The following MPP4 variants were observed in gnomAD, a reference collection of about 807,000 sequenced individuals.
MPP4 encodes MAGUK p55 subfamily member 4.
A neutral mutation model predicts 98.3 loss-of-function variants in MPP4; 91 were observed. The observed-to-expected ratio is 0.93, with a 90% CI of 0.78 to 1.10. The LOEUF is 1.10. Among genes scored for constraint, MPP4 ranks in the 50% least tolerant of loss-of-function variants. The pLI is 0.00. For missense variants in MPP4, 744 were observed against 792.9 expected (o/e 0.94, Z 0.74); for synonymous variants, 261 against 271.8 (o/e 0.96, Z 0.39).
At chr2:201,696,030 A>G (rs6744566) in intron 1 of MPP4, among the ~76,000 whole-genome samples, 27,012 of 152,146 alleles carry the variant, frequency 0.18, 2,706 homozygotes, top group East Asian at 0.39. Flanking sequence ...TGAAGCCAGG[A>G]AGGCTATCTA....
At chr2:201,676,181 A>T (rs1412261397) in intron 10 of MPP4, among the ~76,000 whole-genome samples, 1 of 152,226 alleles carries the variant, frequency 6.6e-6, no homozygotes, top group Non-Finnish European at 1.5e-5. Context: ...AGGCCAGGGC[A>T]TCTACATGTT....
chr2:201,664,643 T>C (rs1688120270), intron 13 of MPP4, among the ~76,000 whole-genome samples: 1 of 152,184 alleles, frequency 6.6e-6, no homozygotes, highest in Non-Finnish European at 1.5e-5. Context: ...GTTAGCATTT[T>C]AAAGAGAGAT....
At chr2:201,660,988 T>C (rs926482058) in intron 14 of MPP4, among the ~76,000 whole-genome samples, 1 of 152,242 alleles carries the variant, frequency 6.6e-6, no homozygotes, top group African/African-American at 2.4e-5. Context: ...TGGTGCTATC[T>C]TGGCTCACTG....
chr2:201,684,961 G>A (rs141808717), intron 7 of MPP4, 103 bp downstream of exon 7: 12,843 of 650,780 alleles, frequency 0.02, 6 homozygotes, highest in South Asian at 0.029. Context: ...AAAAAAAAAA[G>A]AAAAAAAAAA....
rs754114265 is a variant in MPP4 at position 201,693,030 on chromosome 2, C to T, written c.80-1G>A. On this transcript the variant is annotated splice_acceptor_variant, in intron 2 of 21. Coordinates refer to ENST00000409474, the MANE Select transcript of MPP4 (RefSeq NM_033066.3). LOFTEE classifies it high-confidence loss of function. ...ACAAGCCTCAGGATCTGGGAGAGGC[C>T]TAGGAAAGGAAGAGAGCAGAGATGG... The T allele has an allele frequency of 6.2e-7, 1 of 1,611,234 alleles. No individual in the cohort carries two copies. Among genetic ancestry groups the T allele is most frequent in the South Asian group, 1.1e-5 (1 of 90,332 alleles).
rs533761139 is a variant in MPP4, at chr2:201,687,642, T to G, written c.280-271A>C. On this transcript the variant is annotated intron_variant, in intron 4 of 21. Transcript: ENST00000409474. ...AATCCTGGCACATAGGCATGGAGGATGTACCAATTTGGTAACAGCATATGA... is the reference window on the plus strand; with the variant it reads ...AATCCTGGCACATAGGCATGGAGGAGGTACCAATTTGGTAACAGCATATGA... Among the ~76,000 whole-genome samples the G allele has an allele frequency of 2.6e-5, 4 of 152,318 alleles. No individual in the cohort carries two copies. In the South Asian group the frequency reaches 6.2e-4, roughly 24 times the overall value.
chr2:201,682,529 T>C (rs1437895812), intron 8 of MPP4, among the ~76,000 whole-genome samples: 1 of 152,162 alleles, frequency 6.6e-6, no homozygotes, highest in Non-Finnish European at 1.5e-5. Context: ...CAGTTTCCAA[T>C]GGAGCAAACC....
At chr2:201,687,780 T>G (rs1259496387) in intron 4 of MPP4, among the ~76,000 whole-genome samples, 3 of 152,200 alleles carry the variant, frequency 2.0e-5, no homozygotes. Context: ...CCTGGGGAAC[T>G]CAAAGAGCTT....
chr2:201,660,356 T>C lies in MPP4; in HGVS notation c.1073-10A>G. 6.2e-7 allele frequency: 1 copy of C among 1,613,366 alleles called. No individual in the cohort carries two copies. The highest frequency in any genetic ancestry group is 2.2e-5 in the East Asian group (1 of 44,878). ...CCTTCTGAAAGTTCCTCTGGATATT[T>C]GGGTAAGTGCAGAAACAGACATGAA... is the stretch of plus-strand genomic sequence containing the variant. On this transcript the variant is annotated splice_polypyrimidine_tract_variant and intron_variant, in intron 14 of 21. Transcript: ENST00000409474.
At position 201,694,067 on chromosome 2, in the gene MPP4, T is replaced by C; in HGVS notation, c.-100-13A>G. The C allele has an allele frequency of 6.3e-7, 1 of 1,598,510 alleles. No individual in the cohort carries two copies. Among genetic ancestry groups the C allele is most frequent in the Non-Finnish European group, 8.5e-7 (1 of 1,172,228 alleles). ...AGCTCTCAGCACACTGGAATATATTTTCAATAGCATTTCCTCAGCAAGCCA... is the reference window on the plus strand; with the variant it reads ...AGCTCTCAGCACACTGGAATATATTCTCAATAGCATTTCCTCAGCAAGCCA... On this transcript the variant is annotated splice_polypyrimidine_tract_variant and intron_variant, in intron 1 of 21. Coordinates refer to ENST00000409474, the MANE Select transcript of MPP4 (RefSeq NM_033066.3).
chr2:201,650,929 T>C, intron 18 of MPP4: 1 of 985,430 alleles, frequency 1.0e-6, no homozygotes, highest in Non-Finnish European at 1.2e-6. Context: ...TAGGAGTTCA[T>C]CAAATATCTA....
intron 18 of MPP4, chr2:201,650,498 G>A (rs1687685098): frequency 1.0e-6 from 1 of 985,320 alleles, no homozygotes; most frequent in Middle Eastern, 5.2e-4. Context: ...AAGCTCCCAG[G>A]TAGCAATACC....
At chr2:201,669,465 T>C (rs1282058152) in intron 12 of MPP4, among the ~76,000 whole-genome samples, 2 of 152,240 alleles carry the variant, frequency 1.3e-5, no homozygotes, top group Non-Finnish European at 2.9e-5. Flanking sequence ...TGGAGCTGCA[T>C]ATAAATGTTG....
intron 5 of MPP4, 101 bp from the exon 6 acceptor site, chr2:201,686,151 AAC>A: frequency 7.2e-7 from 1 of 1,387,562 alleles, no homozygotes; most frequent in Admixed American, 2.1e-5. Context: ...AACAACAACA[AAC>A]ACCAATACAG....
chr2:201,668,932 G>C (rs191956850), intron 12 of MPP4, among the ~76,000 whole-genome samples: 126 of 152,028 alleles, frequency 8.3e-4, no homozygotes, highest in Non-Finnish European at 1.2e-3. Context: ...TTTTGTTTTG[G>C]GGGGACACAG....
At position 201,647,720 on chromosome 2, in the gene MPP4, T is replaced by G; in HGVS notation, c.1690A>C (p.Thr564Pro). The change falls in exon 21 of 22, where the codon ACT (threonine) becomes CCT (proline). Residue 564 changes from threonine to proline, a missense_variant. By Grantham distance (38) the Thr-to-Pro change is conservative. Transcript: ENST00000409474. ...AACTTCATGTCCACATAGTAGTCAG[T>G]AATAACCTTGGCATTTTTCCGAGAT... ...KQSRKNAKVI[T>P]DYYVDMKFKD... 1 of 1,613,968 alleles carries G rather than the reference T, an allele frequency of 6.2e-7. No individual in the cohort carries two copies. Among genetic ancestry groups the G allele is most frequent in the East Asian group, 2.2e-5 (1 of 44,862 alleles).
At chr2:201,664,342 A>T in intron 13 of MPP4, 2 of 1,406,298 alleles carry the variant, frequency 1.4e-6, no homozygotes, top group Non-Finnish European at 9.5e-7. Flanking sequence ...AGGAGCTCAA[A>T]ATAAATAAAA....
At position 201,660,448 on chromosome 2, in the gene MPP4, C is replaced by T. The variant is rs1391852069; in HGVS notation, c.1073-102G>A. 1.6e-5 allele frequency: 20 copies of T among 1,227,346 alleles called. No homozygotes were observed. The Admixed American group carries it at 3.4e-4, about 21-fold the overall frequency. 76.0% of individuals were successfully genotyped at this position (1,227,346 alleles called of 1,614,324 possible). ...AGGCAAATGACATAAGCAAGACGTGCACGTCACCACTAGCAAAAGGTAACT... is the reference window on the plus strand; with the variant it reads ...AGGCAAATGACATAAGCAAGACGTGTACGTCACCACTAGCAAAAGGTAACT... On this transcript the variant is annotated intron_variant, in intron 14 of 21. Coordinates refer to ENST00000409474, the MANE Select transcript of MPP4 (RefSeq NM_033066.3).
chr2:201,649,473 G>T, intron 20 of MPP4, 103 bp downstream of exon 20: 2 of 792,706 alleles, frequency 2.5e-6, no homozygotes, highest in Non-Finnish European at 4.2e-6. Flanking sequence ...TTCTTAAAAG[G>T]CTAACAGAAT....
Sources: allele counts gnomAD v4.1 joint callset (sites outside exome capture counted in the v4.1 genomes callset), GRCh38; gene constraint gnomAD v4.1.1; transcripts MANE v1.5; gene names NCBI Gene and HGNC (gene_info 2026-07-23, HGNC 2026-07-21).